Variants in MCC observed in about 807,000 individuals in gnomAD.
MCC encodes the protein MCC regulator of Wnt signaling pathway.
Under a neutral mutation model 116.2 loss-of-function variants are expected in MCC, and 90 were observed. The observed-to-expected ratio is 0.77, with a 90% CI of 0.65 to 0.92. The LOEUF (loss-of-function observed/expected upper bound fraction) is 0.92, where lower values mean the gene tolerates loss of function less well. Among genes scored for constraint, MCC ranks in the 40% least tolerant of loss-of-function variants. MCC has a pLI of 0.00. For missense variants in MCC, 1,516 were observed against 1,312.2 expected, an observed-to-expected ratio of 1.16 and a Z score of -2.40; for synonymous variants, 578 against 510.5, an observed-to-expected ratio of 1.13 and a Z score of -1.78.
At chr5:113,144,868 C>A (rs1759397270) in intron 4 of MCC, among the ~76,000 whole-genome samples, 1 of 152,268 alleles carries the variant, frequency 6.6e-6, no homozygotes, top group Non-Finnish European at 1.5e-5. Context: ...CATCAAATAA[C>A]CTCCACTCCA....
At position 113,024,158 on chromosome 5, in the gene MCC, T is replaced by G. The variant is rs1750364986; in HGVS notation, c.*3144A>C. 6.6e-6 allele frequency: 1 copy of G among 152,220 alleles called. No homozygotes were observed. The highest frequency in any genetic ancestry group is 6.5e-5 in the Admixed American group (1 of 15,276). 9.4% of individuals were successfully genotyped at this position (152,220 alleles called of 1,614,324 possible). A position where few individuals can be genotyped will look rare whatever the true frequency, so the allele number is the denominator to read the frequency against. ...CTTAGAAGAGGTCCCTCTAAAATAT[T>G]GCTGCAGGCTCAGAGAAGACTTAGT... is the stretch of plus-strand genomic sequence containing the variant. On this transcript the variant is annotated 3_prime_UTR_variant, in exon 19 of 19. Coordinates refer to ENST00000408903, the MANE Select transcript of MCC (RefSeq NM_001085377.2).
At chr5:113,470,497 T>C (rs1445664741) in intron 1 of MCC, among the ~76,000 whole-genome samples, 2 of 151,856 alleles carry the variant, frequency 1.3e-5, no homozygotes, top group African/African-American at 2.4e-5. Context: ...TTTAAGAATG[T>C]TGAATATTCG....
At chr5:113,225,455 AC>A (rs1352710292) in intron 3 of MCC, among the ~76,000 whole-genome samples, 1 of 152,124 alleles carries the variant, frequency 6.6e-6, no homozygotes, top group Admixed American at 6.5e-5. Flanking sequence ...CCTCACTCTT[AC>A]TAAACTTTCT....
intron 6 of MCC, among the ~76,000 whole-genome samples, chr5:113,121,061 G>A (rs967036777): frequency 6.6e-6 from 1 of 152,196 alleles, no homozygotes; most frequent in Non-Finnish European, 1.5e-5. Flanking sequence ...CTCTTATGGG[G>A]CATACACACC....
At chr5:113,336,370 T>A (rs1227728383) in intron 3 of MCC, among the ~76,000 whole-genome samples, 1 of 151,766 alleles carries the variant, frequency 6.6e-6, no homozygotes, top group African/African-American at 2.4e-5. Context: ...TCTAATTCAC[T>A]AAATCTCCTC....
chr5:113,486,662 G>T (rs1371591403), intron 1 of MCC, among the ~76,000 whole-genome samples: 1 of 152,036 alleles, frequency 6.6e-6, no homozygotes, highest in Non-Finnish European at 1.5e-5. Context: ...TGGCCAAATT[G>T]TGAAGCCCCT....
chr5:113,103,780 T>A (rs7705130), intron 7 of MCC, among the ~76,000 whole-genome samples: 3,708 of 152,286 alleles, frequency 0.024, 89 homozygotes, highest in East Asian at 0.083. Context: ...CCTGTCACCA[T>A]CTCAAACAGC....
intron 6 of MCC, among the ~76,000 whole-genome samples, chr5:113,121,069 AC>A (rs559119264): frequency 1.6e-4 from 25 of 152,032 alleles, no homozygotes; most frequent in Non-Finnish European, 3.5e-4. Context: ...GGGCATACAC[AC>A]CCCCCACCTT....
intron 2 of MCC, among the ~76,000 whole-genome samples, chr5:113,341,990 C>A (rs11956234): frequency 1.3e-5 from 2 of 150,630 alleles, no homozygotes; most frequent in African/African-American, 2.4e-5. Context: ...CCTCACCCCC[C>A]CACTCACACT....
chr5:113,251,410 C>A (rs754074919), intron 3 of MCC, among the ~76,000 whole-genome samples: 1 of 152,166 alleles, frequency 6.6e-6, no homozygotes, highest in Non-Finnish European at 1.5e-5. Context: ...CTTTAAGATA[C>A]AGACAGCTTT....
At chr5:113,293,750 C>A (rs1324549792) in intron 3 of MCC, among the ~76,000 whole-genome samples, 1 of 152,126 alleles carries the variant, frequency 6.6e-6, no homozygotes, top group Non-Finnish European at 1.5e-5. Flanking sequence ...CAGATCCGGG[C>A]AGGAAATAAA....
At chr5:113,114,986 T>A (rs987398665) in intron 6 of MCC, among the ~76,000 whole-genome samples, 1 of 147,690 alleles carries the variant, frequency 6.8e-6, no homozygotes, top group Non-Finnish European at 1.5e-5. Flanking sequence ...CTGCCTCACA[T>A]GAAAAGGCAG....
chr5:113,303,175 T>C (rs1766903124), intron 3 of MCC, among the ~76,000 whole-genome samples: 1 of 152,180 alleles, frequency 6.6e-6, no homozygotes. Context: ...CAGTTGCATA[T>C]ATGCATCTTG....
At chr5:113,120,217 C>G (rs1581102996) in intron 6 of MCC, among the ~76,000 whole-genome samples, 1 of 152,066 alleles carries the variant, frequency 6.6e-6, no homozygotes, top group Non-Finnish European at 1.5e-5. Context: ...TTTATGATGC[C>G]CTTATGAACT....
intron 11 of MCC, among the ~76,000 whole-genome samples, chr5:113,073,081 A>T (rs1182652638): frequency 2.7e-5 from 4 of 145,566 alleles, no homozygotes; most frequent in South Asian, 4.4e-4. Flanking sequence ...TATTTTTGCA[A>T]TTTTTTTTTT....
intron 8 of MCC, among the ~76,000 whole-genome samples, chr5:113,092,798 C>T (rs1357467414): frequency 1.3e-5 from 2 of 152,208 alleles, no homozygotes; most frequent in African/African-American, 4.8e-5. Context: ...CCCTGGGGTA[C>T]TTGGTCAAAG....
chr5:113,038,535 G>A (rs1751472157), intron 17 of MCC, among the ~76,000 whole-genome samples: 1 of 152,114 alleles, frequency 6.6e-6, no homozygotes, highest in African/African-American at 2.4e-5. Flanking sequence ...GCTGGGAGGT[G>A]GAGGATGGGA....
intron 17 of MCC, among the ~76,000 whole-genome samples, chr5:113,034,786 T>G (rs878074): frequency 1.3e-5 from 2 of 152,218 alleles, no homozygotes; most frequent in Non-Finnish European, 1.5e-5. Context: ...TCCAGCGGTC[T>G]GGTCCCTTCT....
chr5:113,153,159 C>A (rs1026691622), intron 3 of MCC, among the ~76,000 whole-genome samples: 2 of 152,172 alleles, frequency 1.3e-5, no homozygotes, highest in African/African-American at 4.8e-5. Context: ...TGCCACCTCA[C>A]CTCCGGCGAA....
Sources: gnomAD v4.1 joint callset for allele counts (sites outside exome capture counted in the v4.1 genomes callset) on GRCh38, gnomAD v4.1.1 for gene constraint, MANE v1.5 for transcripts, NCBI Gene and HGNC (gene_info 2026-07-23, HGNC 2026-07-21) for gene names.